The following CCDC157 variants were observed in gnomAD, a reference collection of about 807,000 sequenced individuals.
CCDC157 encodes coiled-coil domain containing 157.
Under a neutral mutation model 70.9 loss-of-function variants are expected in CCDC157, and 60 were observed. The ratio of observed to expected loss-of-function variants is 0.85; its 90% CI spans 0.69 to 1.05. CCDC157 has a LOEUF of 1.05. Among genes scored for constraint, CCDC157 ranks in the 50% least tolerant of loss-of-function variants. The pLI is 0.00. For synonymous variants in CCDC157, 373 were observed against 422.4 expected, an observed-to-expected ratio of 0.88 and a Z score of 1.43; for missense variants, 943 against 984.2, an observed-to-expected ratio of 0.96 and a Z score of 0.56.
chr22:30,363,781 G>A (rs1041435378), intron 2 of CCDC157, among the ~76,000 whole-genome samples: 12 of 150,756 alleles, frequency 8.0e-5, no homozygotes, highest in Non-Finnish European at 1.3e-4. Context: ...CTCCACCTCC[G>A]GGATCAAGCA....
chr22:30,373,650 G>C lies in CCDC157; in HGVS notation c.1389G>C (p.Gln463His). ...ALLKQLDSLD[Q>H]EREELRGSLD... ...TAAAGCAGCTGGACAGCCTGGACCA[G>C]GAACGTGAGGAGCTGCGGGGCAGCC... Residue 463 changes from glutamine (Q) to histidine (H), a missense_variant, in exon 8 of 12, where the codon CAG (glutamine) becomes CAC (histidine). By Grantham distance (24) the Gln-to-His change is conservative. Transcript: ENST00000338306. The C allele has an allele frequency of 6.4e-7, 1 of 1,558,670 alleles. No individual in the cohort carries two copies. The highest frequency in any genetic ancestry group is 8.7e-7 in the Non-Finnish European group (1 of 1,151,044).
upstream of CCDC157, chr22:30,356,895 G>C (rs929037131): frequency 2.8e-6 from 3 of 1,066,626 alleles, no homozygotes; most frequent in Non-Finnish European, 3.6e-6. Context: ...GCAAGATGGC[G>C]GCGGCCGAGC....
chr22:30,358,655 TG>T (rs1038507706), intron 1 of CCDC157, among the ~76,000 whole-genome samples: 1 of 152,232 alleles, frequency 6.6e-6, no homozygotes, highest in African/African-American at 2.4e-5. Context: ...GGCGCTTGAA[TG>T]TTGAACGGAA....
intron 2 of CCDC157, among the ~76,000 whole-genome samples, chr22:30,363,681 CTCTTT>C (rs1932508832): frequency 9.0e-6 from 1 of 110,528 alleles, no homozygotes; most frequent in African/African-American, 3.5e-5. Context: ...TGGAATGTTT[CTCTTT>C]TTTTTTTTTT....
At position 30,366,218 on chromosome 22, in the gene CCDC157, A is replaced by G. The variant is rs751107362; in HGVS notation, c.218A>G (p.His73Arg). The G allele has an allele frequency of 4.3e-5, 69 of 1,613,668 alleles. No individual in the cohort carries two copies. Among genetic ancestry groups the G allele is most frequent in the Non-Finnish European group, 5.6e-5 (66 of 1,180,006 alleles). Residue 73 changes from histidine to arginine, a missense_variant, in exon 3 of 12, where the codon CAT becomes CGT. Coordinates refer to ENST00000338306, the MANE Select transcript of CCDC157 (RefSeq NM_001017437.5). ...PGDPEFTQLS[H>R]AVLLELVIDR... ...GACCCCGAGTTCACGCAGCTGTCCC[A>G]TGCCGTGCTGCTGGAGCTGGTCATC...
intron 7 of CCDC157, 31 bp from the exon 8 acceptor site, chr22:30,373,566 A>C: frequency 6.4e-7 from 1 of 1,550,786 alleles, no homozygotes. Context: ...TGTGGGTCTC[A>C]CAGCCTCCCT....
In CCDC157 at chr22:30,373,575, C is replaced by G. The variant is rs750314308; in HGVS notation, c.1336-22C>G. ...TAGCCCTGTGGGTCTCACAGCCTCC[C>G]TGCTTGTCCGTTCCTGCTTAGTCTC... is the stretch of plus-strand genomic sequence containing the variant. On this transcript the variant is annotated intron_variant, in intron 7 of 11. Transcript: ENST00000338306. 161 of 1,551,626 alleles carry G rather than the reference C, an allele frequency of 1.0e-4. No homozygotes were observed. The Middle Eastern group carries it at 1.2e-3, about 12-fold the overall frequency.
At chr22:30,371,216 G>A in intron 5 of CCDC157, 1 of 555,740 alleles carries the variant, frequency 1.8e-6, no homozygotes, top group East Asian at 3.1e-5. Flanking sequence ...GGGAACCGAG[G>A]TATGTATCCA....
chr22:30,368,257 T>G (rs1383128240), intron 3 of CCDC157, among the ~76,000 whole-genome samples: 1 of 152,198 alleles, frequency 6.6e-6, no homozygotes, highest in Non-Finnish European at 1.5e-5. Flanking sequence ...AGAACACACC[T>G]TCCTTTCTCC....
Position 30,370,782 on chromosome 22 carries a change from C to G in CCDC157, c.877C>G (p.Leu293Val), listed in dbSNP as rs1932902131. The change falls in exon 5 of 12, where the codon CTC (leucine) becomes GTC (valine). Residue 293 changes from leucine (L) to valine (V), a missense_variant. Coordinates refer to ENST00000338306, the MANE Select transcript of CCDC157 (RefSeq NM_001017437.5). Reference sequence around the variant, plus strand: ...GCGCCTCAGTAAGCATGTGGAGGCCCTCAGGGCCCAGCTGGAGGAGGCTGA... The same window carrying G: ...GCGCCTCAGTAAGCATGTGGAGGCCGTCAGGGCCCAGCTGGAGGAGGCTGA... ...LTRLSKHVEA[L>V]RAQLEEAEGQ... The G allele has an allele frequency of 1.2e-6, 2 of 1,613,394 alleles. No individual in the cohort carries two copies. Among genetic ancestry groups the G allele is most frequent in the South Asian group, 2.2e-5 (2 of 91,082 alleles).
chr22:30,366,144 T>C lies in CCDC157; in HGVS notation c.144T>C (p.Cys48=), dbSNP rs1380546831. 6.2e-7 allele frequency: 1 copy of C among 1,613,754 alleles called. No individual in the cohort carries two copies. Among genetic ancestry groups the C allele is most frequent in the Non-Finnish European group, 8.5e-7 (1 of 1,180,036 alleles). ...PSWKFPDRMA[C]DLDMVALLEH... The stretch of plus-strand genomic sequence containing the variant: ...GGAAGTTCCCTGACCGCATGGCCTG[T>C]GACCTCGACATGGTGGCCCTGCTGG... Residue 48 remains cysteine (C), a synonymous_variant, in exon 3 of 12, where the codon TGT becomes TGC. Transcript: ENST00000338306.
At chr22:30,374,485 C>A (rs761930808) in intron 9 of CCDC157, 6 of 468,616 alleles carry the variant, frequency 1.3e-5, no homozygotes, top group South Asian at 9.3e-5. Flanking sequence ...AGGACACAGC[C>A]TCCAGCTGCC....
intron 10 of CCDC157, 113 bp downstream of exon 10, chr22:30,375,776 T>C (rs952854859): frequency 3.4e-6 from 3 of 893,458 alleles, no homozygotes; most frequent in East Asian, 5.3e-5. Context: ...ACATGAGGCC[T>C]TAGGCTGTGC....
intron 7 of CCDC157, 59 bp from the exon 8 acceptor site, chr22:30,373,538 C>T: frequency 1.3e-6 from 2 of 1,534,828 alleles, no homozygotes; most frequent in African/African-American, 2.7e-5. Flanking sequence ...CTTAGTTCCA[C>T]ATGGCTGGGC....
At chr22:30,371,592 A>C in intron 5 of CCDC157, 58 bp from the exon 6 acceptor site, 1 of 1,446,728 alleles carries the variant, frequency 6.9e-7, no homozygotes, top group Non-Finnish European at 9.7e-7. Flanking sequence ...ACTGGGCATG[A>C]AGGCCGCCGG....
At chr22:30,375,254 G>A in intron 9 of CCDC157, 1 of 499,594 alleles carries the variant, frequency 2.0e-6, no homozygotes, top group Non-Finnish European at 3.5e-6. Flanking sequence ...ACCGCGCCCG[G>A]CCTTGCTAAG....
In CCDC157 at chr22:30,372,204, G is replaced by A. The variant is rs777556030; in HGVS notation, c.1253G>A (p.Gly418Asp). ...CAGCTGTTGGTGGGTCGGCTGGAGGGCGCTGGCCAGCAGGTCTGCTGGGCC... is the reference window on the plus strand; with the variant it reads ...CAGCTGTTGGTGGGTCGGCTGGAGGACGCTGGCCAGCAGGTCTGCTGGGCC... Reference protein sequence around the residue: ...QVQLLVGRLEGAGQQVCWAST... With the variant: ...QVQLLVGRLEDAGQQVCWAST... Residue 418 changes from glycine to aspartate, a missense_variant, in exon 7 of 12, where the codon GGC (glycine) becomes GAC (aspartate). Gly to Asp is a moderately conservative substitution (Grantham distance 94). Coordinates refer to ENST00000338306, the MANE Select transcript of CCDC157 (RefSeq NM_001017437.5). The A allele has an allele frequency of 2.7e-5, 43 of 1,593,924 alleles. No homozygotes were observed. The highest frequency in any genetic ancestry group is 3.6e-5 in the Non-Finnish European group (42 of 1,173,526).
At position 30,374,152 on chromosome 22, in the gene CCDC157, C is replaced by T. The variant is rs545276697; in HGVS notation, c.1672+61C>T. The T allele has an allele frequency of 7.1e-4, 1,089 of 1,533,516 alleles. 1 individual carries two copies. Among genetic ancestry groups the T allele is most frequent in the Admixed American group, 1.3e-3 (64 of 50,114 alleles). 95.0% of individuals were successfully genotyped at this position (1,533,516 alleles called of 1,614,324 possible). On this transcript the variant is annotated intron_variant, in intron 9 of 11. Coordinates refer to ENST00000338306, the MANE Select transcript of CCDC157 (RefSeq NM_001017437.5). ...GGCTCAGGGCCAGCAGCTGAGGGCT[C>T]GTGTGGGCAGGACACTGGGGACTGC...
chr22:30,370,891 CGGA>C lies in CCDC157; in HGVS notation c.993_995del (p.Glu331del), dbSNP rs1932908342. On this transcript the variant is annotated inframe_deletion, in exon 5 of 12. Transcript: ENST00000338306. Reference sequence around the variant, plus strand: ...GAGCAGGGGGCACGGCGGCGACAGGCGGAGGAGGATGAGCAGTGCCTGTCTGAG... The same window carrying C: ...GAGCAGGGGGCACGGCGGCGACAGGCGGAGGATGAGCAGTGCCTGTCTGAG... 6.8e-6 allele frequency: 11 copies of C among 1,611,090 alleles called. No homozygotes were observed. Among genetic ancestry groups the C allele is most frequent in the South Asian group, 3.3e-5 (3 of 90,912 alleles).
Sources: gnomAD v4.1 joint callset for allele counts (sites outside exome capture counted in the v4.1 genomes callset) on GRCh38, gnomAD v4.1.1 for gene constraint, MANE v1.5 for transcripts, NCBI Gene and HGNC (gene_info 2026-07-23, HGNC 2026-07-21) for gene names.